Variants in STK32B observed in about 807,000 individuals in gnomAD.
The protein encoded by STK32B is serine/threonine kinase 32B.
A neutral mutation model predicts 52.6 loss-of-function variants in STK32B; 43 were observed. The observed-to-expected ratio is 0.82, with a 90% CI of 0.64 to 1.05. The LOEUF (loss-of-function observed/expected upper bound fraction) is 1.05. Among genes scored for constraint, STK32B ranks in the 50% least tolerant of loss-of-function variants. The probability of loss-of-function intolerance (pLI) is 0.00; values close to 1 mark genes in which losing one functional copy is unlikely to be tolerated. For synonymous variants in STK32B, 238 were observed against 204.3 expected (o/e 1.17, Z -1.41); for missense variants, 621 against 534.6 (o/e 1.16, Z -1.59).
chr4:5,355,386 G>A (rs750779590), intron 4 of STK32B, among the ~76,000 whole-genome samples: 1 of 152,076 alleles, frequency 6.6e-6, no homozygotes, highest in Non-Finnish European at 1.5e-5. Flanking sequence ...TACATGCCCA[G>A]ACTACCTCCA....
chr4:5,279,019 T>G (rs1286143961), intron 3 of STK32B, among the ~76,000 whole-genome samples: 1 of 152,140 alleles, frequency 6.6e-6, no homozygotes, highest in Admixed American at 6.5e-5. Flanking sequence ...GAGATTTGGG[T>G]GGGGACACAG....
intron 1 of STK32B, among the ~76,000 whole-genome samples, chr4:5,054,433 T>A (rs1577614548): frequency 7.0e-6 from 1 of 142,452 alleles, no homozygotes; most frequent in South Asian, 2.2e-4. Flanking sequence ...AAGAAGTGGG[T>A]GATAGAAGGG....
intron 3 of STK32B, among the ~76,000 whole-genome samples, chr4:5,289,209 A>T (rs1274829262): frequency 6.6e-6 from 1 of 152,186 alleles, no homozygotes; most frequent in African/African-American, 2.4e-5. Context: ...GTTGTAACAC[A>T]ATGGTAAGTA....
At chr4:5,126,241 C>T (rs147898706) in intron 1 of STK32B, among the ~76,000 whole-genome samples, 31 of 152,336 alleles carry the variant, frequency 2.0e-4, no homozygotes, top group African/African-American at 7.0e-4. Context: ...ATTCCCAGCT[C>T]CTCTTAGGAT....
Position 5,456,883 on chromosome 4 carries a change from C to A in STK32B, c.743C>A (p.Ser248Tyr), listed in dbSNP as rs781445086. 6.3e-7 allele frequency: 1 copy of A among 1,594,274 alleles called. No individual in the cohort carries two copies. Among genetic ancestry groups the A allele is most frequent in the Non-Finnish European group, 8.6e-7 (1 of 1,169,452 alleles). ...TTCAAGGTGGAGCGTGTCCACTACT[C>A]CTCCACGTGGTGCAAGGGGATGGTG... is the stretch of plus-strand genomic sequence containing the variant. Reference protein sequence around the residue: ...NMFKVERVHYSSTWCKGMVAL... With the variant: ...NMFKVERVHYYSTWCKGMVAL... The change falls in exon 8 of 12, where the codon TCC (serine) becomes TAC (tyrosine). Residue 248 changes from serine to tyrosine, a missense_variant. Physicochemically the swap from Ser to Tyr is moderately radical, Grantham distance 144. Coordinates refer to ENST00000282908, the MANE Select transcript of STK32B (RefSeq NM_018401.3).
At chr4:5,304,090 A>AT (rs1729755290) in intron 3 of STK32B, among the ~76,000 whole-genome samples, 1 of 152,142 alleles carries the variant, frequency 6.6e-6, no homozygotes, top group East Asian at 1.9e-4. Context: ...GCCTTACAGT[A>AT]TAGTATGAAG....
Position 5,460,658 on chromosome 4 carries a change from T to C in STK32B, c.909+430T>C, listed in dbSNP as rs1462950370. On this transcript the variant is annotated intron_variant, in intron 9 of 11. Transcript: ENST00000282908. This position sits in a 1 kb window ranked among gnomAD's most constrained non-coding sequence, Gnocchi z 4.8. ...GGAGGGGCAGAGGCAGGGGCTTCTTTTAGGAAGGGTCGGCAGAGACCTAGA... is the reference window on the plus strand; with the variant it reads ...GGAGGGGCAGAGGCAGGGGCTTCTTCTAGGAAGGGTCGGCAGAGACCTAGA... Among the ~76,000 whole-genome samples the C allele has an allele frequency of 1.3e-5, 2 of 152,038 alleles. No homozygotes were observed. The highest frequency in any genetic ancestry group is 2.4e-5 in the African/African-American group (1 of 41,390).
At chr4:5,290,635 A>G (rs999254922) in intron 3 of STK32B, among the ~76,000 whole-genome samples, 3 of 151,622 alleles carry the variant, frequency 2.0e-5, no homozygotes, top group Middle Eastern at 3.4e-3. Flanking sequence ...CTTTAAGTTC[A>G]TACATGTAAA....
intron 3 of STK32B, among the ~76,000 whole-genome samples, chr4:5,179,514 TTAGA>T (rs776418317): frequency 2.0e-4 from 30 of 152,246 alleles, no homozygotes; most frequent in East Asian, 3.9e-4. Context: ...AGATGATATA[TTAGA>T]TAGATGATAC....
chr4:5,039,493 C>G, the STK32B span, among the ~76,000 whole-genome samples: 1 of 152,202 alleles, frequency 6.6e-6, no homozygotes, highest in South Asian at 2.1e-4. Context: ...CTGTCATCTC[C>G]TAGGATAACA....
At chr4:5,261,598 A>T (rs1726716569) in intron 3 of STK32B, among the ~76,000 whole-genome samples, 1 of 152,234 alleles carries the variant, frequency 6.6e-6, no homozygotes, top group Non-Finnish European at 1.5e-5. Context: ...GAGGTTTAAT[A>T]ACTTGCCTAA....
At chr4:5,113,922 AC>A (rs35261123) in intron 1 of STK32B, among the ~76,000 whole-genome samples, 6 of 94,980 alleles carry the variant, frequency 6.3e-5, no homozygotes, top group African/African-American at 2.0e-4. Flanking sequence ...ATGCAGGGAA[AC>A]CCGCCCCCCT....
In STK32B at chr4:5,192,608, C is replaced by T. The variant is rs575352849; in HGVS notation, c.260+24158C>T. ...TATTAAAGTAGGATTGGCCAATAAA[C>T]ATTGTATATATTTATGGCATCCAAC... On this transcript the variant is annotated intron_variant, in intron 3 of 11. Coordinates refer to ENST00000282908, the MANE Select transcript of STK32B (RefSeq NM_018401.3). 4.6e-5 allele frequency among the ~76,000 whole-genome samples: 7 copies of T among 152,278 alleles called. No individual in the cohort carries two copies. The East Asian group carries it at 5.8e-4, about 13-fold the overall frequency.
At chr4:5,062,499 T>TTTG (rs760733908) in intron 1 of STK32B, among the ~76,000 whole-genome samples, 139 of 152,136 alleles carry the variant, frequency 9.1e-4, no homozygotes, top group Non-Finnish European at 1.5e-3. Flanking sequence ...AATGTTTAGT[T>TTTG]TTGTTGTTGT....
chr4:5,406,602 C>T (rs991627901), intron 5 of STK32B, among the ~76,000 whole-genome samples: 9 of 152,204 alleles, frequency 5.9e-5, no homozygotes, highest in African/African-American at 1.7e-4. Context: ...ACCCTCTGAA[C>T]ACCCACAGGT....
At chr4:5,364,094 C>T (rs1217381978) in intron 4 of STK32B, among the ~76,000 whole-genome samples, 1 of 151,072 alleles carries the variant, frequency 6.6e-6, no homozygotes, top group Non-Finnish European at 1.5e-5. Context: ...TCACTGACCC[C>T]CCCCACTGTC....
chr4:5,077,635 ATACCTCTTACCTATTTCCTAG>A (rs1396890026), intron 1 of STK32B, among the ~76,000 whole-genome samples: 1 of 152,038 alleles, frequency 6.6e-6, no homozygotes, highest in Non-Finnish European at 1.5e-5. Context: ...GATGCTCAAA[ATACCTCTTACCTATTTCCTAG>A]CCTAAGACAC....
chr4:5,365,124 C>G (rs138031605), intron 4 of STK32B, among the ~76,000 whole-genome samples: 7 of 152,076 alleles, frequency 4.6e-5, no homozygotes, highest in African/African-American at 1.7e-4. Context: ...GATCCACCCA[C>G]CTCGGCCCCC....
intron 3 of STK32B, among the ~76,000 whole-genome samples, chr4:5,196,044 TA>T (rs1342861765): frequency 6.6e-6 from 1 of 152,198 alleles, no homozygotes; most frequent in Non-Finnish European, 1.5e-5. Flanking sequence ...TTTCATTGTT[TA>T]AAATGGAGAT....
Sources: allele counts gnomAD v4.1 joint callset (sites outside exome capture counted in the v4.1 genomes callset), GRCh38; gene constraint gnomAD v4.1.1; non-coding constraint Gnocchi (gnomAD v3.1); transcripts MANE v1.5; gene names NCBI Gene and HGNC (gene_info 2026-07-23, HGNC 2026-07-21).